SBF2: variants seen among roughly 807,000 people sequenced by gnomAD.
SBF2 encodes myotubularin-related protein 13.
Under a neutral mutation model 225.2 loss-of-function variants are expected in SBF2, and 112 were observed. The observed-to-expected ratio is 0.50, with a 90% CI of 0.43 to 0.58. The LOEUF (loss-of-function observed/expected upper bound fraction) is 0.58. Among genes scored for constraint, SBF2 ranks in the 20% least tolerant of loss-of-function variants. SBF2 has a pLI of 0.00. For missense variants in SBF2, 1,996 were observed against 2,206.2 expected, an observed-to-expected ratio of 0.90 and a Z score of 1.91; for synonymous variants, 763 against 773.3, an observed-to-expected ratio of 0.99 and a Z score of 0.22.
chr11:9,781,269 C>T lies in SBF2; in HGVS notation c.5451+238G>A, dbSNP rs879074816. ...CAAGGAGTTCATCTGTTTCCATGTGCGCTGGACTCCTTTTGCACAAAGCAA... is the reference window on the plus strand; with the variant it reads ...CAAGGAGTTCATCTGTTTCCATGTGTGCTGGACTCCTTTTGCACAAAGCAA... On this transcript the variant is annotated intron_variant, in intron 39 of 39. Coordinates refer to ENST00000256190, the MANE Select transcript of SBF2 (RefSeq NM_030962.4). Among the ~76,000 whole-genome samples, 15 of 152,326 alleles carry T rather than the reference C, an allele frequency of 9.8e-5. 1 individual carries two copies. The highest frequency in any genetic ancestry group is 3.4e-3 in the Middle Eastern group (1 of 294).
At chr11:10,295,519 G>A (rs1212062473), upstream of SBF2, among the ~76,000 whole-genome samples, 1 of 152,002 alleles carries the variant, frequency 6.6e-6, no homozygotes, top group Non-Finnish European at 1.5e-5. Context: ...AGTTGCTAAT[G>A]GTAAAACTGA....
At chr11:10,098,679 GCACACACACACACACACACACA>G (rs56244507) in intron 2 of SBF2, among the ~76,000 whole-genome samples, 1 of 130,830 alleles carries the variant, frequency 7.6e-6, no homozygotes, top group Non-Finnish European at 1.6e-5. Flanking sequence ...GACAAAAAAT[GCACACACACACACACACACACA>G]CACACACACA....
chr11:10,161,281 G>C (rs1051551725), intron 2 of SBF2, among the ~76,000 whole-genome samples: 8 of 151,084 alleles, frequency 5.3e-5, no homozygotes, highest in Non-Finnish European at 1.2e-4. Context: ...CCAAAGTTAT[G>C]CATTCTTCCC....
At chr11:10,264,334 A>T (rs1327532042) in intron 1 of SBF2, among the ~76,000 whole-genome samples, 1 of 152,216 alleles carries the variant, frequency 6.6e-6, no homozygotes, top group East Asian at 1.9e-4. Flanking sequence ...GAGTTATAAT[A>T]AAGATCTCAC....
At chr11:9,987,369 G>C (rs1426894150) in intron 13 of SBF2, among the ~76,000 whole-genome samples, 1 of 151,746 alleles carries the variant, frequency 6.6e-6, no homozygotes, top group Non-Finnish European at 1.5e-5. Context: ...TGGAACAAGT[G>C]CCCACTCTCA....
intron 1 of SBF2, among the ~76,000 whole-genome samples, chr11:10,273,138 C>T (rs1239065119): frequency 6.6e-6 from 1 of 151,934 alleles, no homozygotes; most frequent in African/African-American, 2.4e-5. Context: ...CTTTTTGTAA[C>T]ATGTAAATAG....
intron 1 of SBF2, among the ~76,000 whole-genome samples, chr11:10,264,336 A>G (rs1961725117): frequency 6.6e-6 from 1 of 152,196 alleles, no homozygotes; most frequent in Non-Finnish European, 1.5e-5. Flanking sequence ...GTTATAATAA[A>G]GATCTCACCT....
chr11:10,120,050 C>G (rs2135048008), intron 2 of SBF2, among the ~76,000 whole-genome samples: 1 of 152,194 alleles, frequency 6.6e-6, no homozygotes, highest in East Asian at 1.9e-4. Context: ...CTTTTTCATC[C>G]TGCAAAACTG....
rs1962514855 is a variant in SBF2, at chr11:10,271,926, G to A, written c.55+22089C>T. 5 of 480,686 alleles carry A rather than the reference G, an allele frequency of 1.0e-5. 1 individual carries two copies. The highest frequency in any genetic ancestry group is 5.9e-5 in the South Asian group (2 of 34,112). 29.8% of individuals were successfully genotyped at this position (480,686 alleles called of 1,614,324 possible). A position where few individuals can be genotyped will look rare whatever the true frequency, so the allele number is the denominator to read the frequency against. ...ATGAATATCTGTGATTTTGGCTATA[G>A]GACCAGGCCACAGGAAAGGGCTGAA... is the stretch of plus-strand genomic sequence containing the variant. On this transcript the variant is annotated intron_variant, in intron 1 of 39. Coordinates refer to ENST00000256190, the MANE Select transcript of SBF2 (RefSeq NM_030962.4).
intron 2 of SBF2, among the ~76,000 whole-genome samples, chr11:10,147,661 C>T (rs1359243213): frequency 6.6e-6 from 1 of 151,906 alleles, no homozygotes; most frequent in Non-Finnish European, 1.5e-5. Context: ...ACAAACAAAC[C>T]CCCGTGACAT....
intron 2 of SBF2, among the ~76,000 whole-genome samples, chr11:10,075,541 G>GCT (rs1951065399): frequency 6.6e-6 from 1 of 152,176 alleles, no homozygotes; most frequent in Non-Finnish European, 1.5e-5. Flanking sequence ...TTTCCCCCTT[G>GCT]CTGTTCTTAT....
intron 29 of SBF2, among the ~76,000 whole-genome samples, chr11:9,816,301 A>T (rs555615706): frequency 6.6e-6 from 1 of 152,284 alleles, no homozygotes; most frequent in East Asian, 1.9e-4. Context: ...GAATTTTCTG[A>T]CACATCTTAG....
At position 10,039,701 on chromosome 11, in the gene SBF2, A is replaced by G. The variant is rs141678063; in HGVS notation, c.279+3143T>C. On this transcript the variant is annotated intron_variant, in intron 3 of 39. Coordinates refer to ENST00000256190, the MANE Select transcript of SBF2 (RefSeq NM_030962.4). ...ATCTTAGCTTCTAATATTATTCCCT[A>G]TTCAAAGGAGTCAGACTCCTTGAAG... Among the ~76,000 whole-genome samples, 1,071 of 152,052 alleles carry G rather than the reference A, an allele frequency of 7.0e-3. 17 individuals are homozygous for G. Among genetic ancestry groups the G allele is most frequent in the African/African-American group, 0.023 (972 of 41,554 alleles).
At chr11:10,231,656 C>G (rs892355063) in intron 1 of SBF2, among the ~76,000 whole-genome samples, 3 of 152,142 alleles carry the variant, frequency 2.0e-5, no homozygotes, top group Non-Finnish European at 4.4e-5. Context: ...GCTGCCTGAT[C>G]GTTTCTCTGG....
At chr11:10,151,508 C>G (rs914518975) in intron 2 of SBF2, among the ~76,000 whole-genome samples, 1 of 152,126 alleles carries the variant, frequency 6.6e-6, no homozygotes, top group Admixed American at 6.5e-5. Flanking sequence ...CCTTATAGAT[C>G]GCAAAGTATA....
Position 9,808,896 on chromosome 11 carries a change from T to G in SBF2, c.4257+5A>C. The G allele has an allele frequency of 6.3e-7, 1 of 1,594,516 alleles. No individual in the cohort carries two copies. Among genetic ancestry groups the G allele is most frequent in the East Asian group, 2.2e-5 (1 of 44,788 alleles). On this transcript the variant is annotated splice_donor_5th_base_variant and intron_variant, in intron 31 of 39. Transcript: ENST00000256190. ...AAATATCAAAAAATATGTCTAATAG[T>G]TTACTTGTGCAGTGATGTCCCAGCC...
At chr11:9,828,312 T>TCAGGTGTAGCATGTA (rs2133929782) in intron 28 of SBF2, 2 of 1,225,678 alleles carry the variant, frequency 1.6e-6, no homozygotes, top group South Asian at 2.9e-5. Context: ...GTAGCATGTT[T>TCAGGTGTAGCATGTA]AACTGCTGCC....
intron 16 of SBF2, 123 bp downstream of exon 16, chr11:9,961,834 T>G: frequency 3.9e-6 from 3 of 761,278 alleles, no homozygotes; most frequent in Non-Finnish European, 6.3e-6. Flanking sequence ...ATAGAGATAC[T>G]GACGCTTCAT....
intron 6 of SBF2, among the ~76,000 whole-genome samples, chr11:10,027,699 T>A (rs1389922404): frequency 1.3e-5 from 2 of 152,194 alleles, no homozygotes; most frequent in East Asian, 1.9e-4. Context: ...TCCTCATTTT[T>A]AAGTTATATA....
Sources: gnomAD v4.1 joint callset for allele counts (sites outside exome capture counted in the v4.1 genomes callset) on GRCh38, gnomAD v4.1.1 for gene constraint, MANE v1.5 for transcripts, NCBI Gene and HGNC (gene_info 2026-07-23, HGNC 2026-07-21) for gene names.